SLC2A13: variants seen among roughly 807,000 people sequenced by gnomAD.
SLC2A13 encodes proton myo-inositol cotransporter.
Under a neutral mutation model 64.4 loss-of-function variants are expected in SLC2A13, and 32 were observed. The observed-to-expected ratio is 0.50, with a 90% CI of 0.37 to 0.67. SLC2A13 has a LOEUF of 0.67. Ranked by LOEUF, SLC2A13 falls within the 30% of genes least tolerant of loss-of-function variation. SLC2A13 has a pLI of 0.00. For synonymous variants in SLC2A13, 338 were observed against 327.1 expected (o/e 1.03, Z -0.36); for missense variants, 743 against 829.2 (o/e 0.90, Z 1.28).
intron 4 of SLC2A13, among the ~76,000 whole-genome samples, chr12:39,887,179 T>C (rs567942493): frequency 1.6e-4 from 24 of 152,254 alleles, no homozygotes; most frequent in Admixed American, 7.9e-4. Context: ...TATTTTCATT[T>C]TTGATAAAGT....
At chr12:39,788,153 A>G (rs187067295) in intron 7 of SLC2A13, among the ~76,000 whole-genome samples, 1 of 152,290 alleles carries the variant, frequency 6.6e-6, no homozygotes, top group Admixed American at 6.5e-5. Context: ...ATACATTCCA[A>G]GATCCTCATA....
intron 2 of SLC2A13, among the ~76,000 whole-genome samples, chr12:40,036,359 A>G (rs1434412604): frequency 6.6e-6 from 1 of 152,226 alleles, no homozygotes; most frequent in Admixed American, 6.5e-5. Context: ...GCAGAGATCC[A>G]AGGTGTAACC....
chr12:39,768,896 C>A (rs1432818837), intron 7 of SLC2A13, among the ~76,000 whole-genome samples: 2 of 152,050 alleles, frequency 1.3e-5, no homozygotes, highest in Admixed American at 6.6e-5. Flanking sequence ...AAACAAAATG[C>A]AATGTCTGTG....
At chr12:39,968,947 C>G (rs1368758670) in intron 3 of SLC2A13, among the ~76,000 whole-genome samples, 4 of 151,948 alleles carry the variant, frequency 2.6e-5, no homozygotes, top group African/African-American at 7.3e-5. Flanking sequence ...TTCCCTCCCT[C>G]CTTCCCCCAC....
chr12:39,947,422 C>T (rs1946153947), intron 4 of SLC2A13, among the ~76,000 whole-genome samples: 1 of 152,176 alleles, frequency 6.6e-6, no homozygotes, highest in African/African-American at 2.4e-5. Context: ...TAGTTTACTT[C>T]AAGTTCCCCA....
chr12:39,944,881 C>T (rs1418815989), intron 4 of SLC2A13, among the ~76,000 whole-genome samples: 1 of 152,114 alleles, frequency 6.6e-6, no homozygotes, highest in Non-Finnish European at 1.5e-5. Flanking sequence ...TTTCATCATG[C>T]TCTTTCTTGC....
Position 39,941,277 on chromosome 12 carries a change from G to A in SLC2A13, c.1034+9980C>T, listed in dbSNP as rs1426457058. ...TCGAATAATGACTTATTTTCCTCTG[G>A]GTAGATACCTAGTAGTGGGATTGCT... On this transcript the variant is annotated intron_variant, in intron 4 of 9. Coordinates refer to ENST00000280871, the MANE Select transcript of SLC2A13 (RefSeq NM_052885.4). Among the ~76,000 whole-genome samples, 4 of 152,170 alleles carry A rather than the reference G, an allele frequency of 2.6e-5. No homozygotes were observed. The East Asian group carries it at 7.7e-4, about 29-fold the overall frequency.
intron 7 of SLC2A13, among the ~76,000 whole-genome samples, chr12:39,776,393 G>A (rs12229203): frequency 0.14 from 21,454 of 152,204 alleles, 1,742 homozygotes; most frequent in East Asian, 0.39. Flanking sequence ...CCATAACTAT[G>A]TGTGGCATAA....
At chr12:39,941,166 T>G (rs1946018722) in intron 4 of SLC2A13, among the ~76,000 whole-genome samples, 1 of 151,994 alleles carries the variant, frequency 6.6e-6, no homozygotes, top group South Asian at 2.1e-4. Flanking sequence ...TTTATCCACT[T>G]GTTGATTGAT....
Position 39,764,543 on chromosome 12 carries a change from G to A in SLC2A13, c.1637C>T (p.Ala546Val). The A allele has an allele frequency of 6.2e-7, 1 of 1,612,132 alleles. No homozygotes were observed. Among genetic ancestry groups the A allele is most frequent in the Non-Finnish European group, 8.5e-7 (1 of 1,179,180 alleles). Residue 546 changes from alanine to valine, a missense_variant, in exon 9 of 10, where the codon GCA (alanine) becomes GTA (valine). Around this residue, in one of 2 missense-constraint regions of SLC2A13, gnomAD observed 295 missense variants for 381.7 expected, o/e 0.77. Transcript: ENST00000280871. ...YPLWARSTGNACSSGINWIFN... is the reference protein window; with the variant it reads ...YPLWARSTGNVCSSGINWIFN... ...AATCCAGTTTATTCCAGATGAACAT[G>A]CATTTCCTGTACTTCTTGCCCAAAG...
chr12:39,903,976 T>C (rs1592269546), intron 4 of SLC2A13, among the ~76,000 whole-genome samples: 2 of 152,218 alleles, frequency 1.3e-5, no homozygotes, highest in Admixed American at 1.3e-4. Flanking sequence ...TCAGATTTCC[T>C]GCAGCTACCT....
intron 2 of SLC2A13, 30 bp from the exon 3 acceptor site, chr12:40,028,539 T>G (rs1182715487): frequency 5.6e-6 from 9 of 1,608,154 alleles, no homozygotes; most frequent in Non-Finnish European, 7.6e-6. Flanking sequence ...ACATTTACTG[T>G]AAAATTTGCT....
At chr12:39,861,153 G>A (rs989582066) in intron 6 of SLC2A13, among the ~76,000 whole-genome samples, 2 of 152,108 alleles carry the variant, frequency 1.3e-5, no homozygotes, top group African/African-American at 4.8e-5. Flanking sequence ...TCTTTTAAGA[G>A]CTCAGTACAA....
chr12:39,877,119 CTGTT>C (rs1245206721), intron 4 of SLC2A13, among the ~76,000 whole-genome samples: 2 of 152,112 alleles, frequency 1.3e-5, no homozygotes, highest in African/African-American at 4.8e-5. Flanking sequence ...TATTGGGAGA[CTGTT>C]TGTATACTCA....
chr12:40,073,475 A>T, intron 1 of SLC2A13, among the ~76,000 whole-genome samples: 1 of 152,170 alleles, frequency 6.6e-6, no homozygotes, highest in East Asian at 1.9e-4. Flanking sequence ...TTAATTAAAA[A>T]ATGAAAGTTT....
intron 4 of SLC2A13, among the ~76,000 whole-genome samples, chr12:39,919,613 G>A (rs1874559): frequency 0.97 from 147,983 of 152,116 alleles, 72,148 homozygotes; most frequent in Middle Eastern, 1. Context: ...ATACTGTATA[G>A]TTAATATAAT....
In SLC2A13 at chr12:39,764,505, C is replaced by A; in HGVS notation, c.1675G>T (p.Val559Phe). 1.2e-6 allele frequency: 2 copies of A among 1,610,312 alleles called. No homozygotes were observed. The highest frequency in any genetic ancestry group is 1.7e-6 in the Non-Finnish European group (2 of 1,178,782). The change falls in exon 9 of 10, where the codon GTT becomes TTT. Residue 559 changes from valine to phenylalanine, a missense_variant. By Grantham distance (50) the Val-to-Phe change is conservative. This residue lies in a region of SLC2A13 where 295 missense variants were observed against 381.7 expected (regional missense o/e 0.77). Coordinates refer to ENST00000280871, the MANE Select transcript of SLC2A13 (RefSeq NM_052885.4). ...GCTGTGTGTAAAAATGTTAGTGAAA[C>A]CAGGACATTGAAAATCCAGTTTATT... ...SGINWIFNVL[V>F]SLTFLHTAEY...
intron 3 of SLC2A13, among the ~76,000 whole-genome samples, chr12:39,954,767 T>C (rs1047235308): frequency 1.3e-5 from 2 of 151,890 alleles, no homozygotes; most frequent in African/African-American, 4.8e-5. Context: ...GGCAGGAAAA[T>C]ACAATTTGTA....
At chr12:39,854,689 C>A (rs1190095680) in intron 6 of SLC2A13, among the ~76,000 whole-genome samples, 1 of 152,184 alleles carries the variant, frequency 6.6e-6, no homozygotes, top group Non-Finnish European at 1.5e-5. Context: ...TTGCTTGATG[C>A]TGTTGACTGG....
Sources: gnomAD v4.1 joint callset for allele counts (sites outside exome capture counted in the v4.1 genomes callset) on GRCh38, gnomAD v4.1.1 for gene constraint, gnomAD v4.1.1 regional missense constraint, MANE v1.5 for transcripts, NCBI Gene and HGNC (gene_info 2026-07-23, HGNC 2026-07-21) for gene names.